METTL15: variants seen among roughly 807,000 people sequenced by gnomAD.
The protein encoded by METTL15 is methyltransferase 15, mitochondrial 12S rRNA N4-cytidine.
METTL15 carries 34 observed loss-of-function variants against 38.3 expected under a neutral mutation model. The observed-to-expected ratio is 0.89, with a 90% CI of 0.68 to 1.18. METTL15 has a LOEUF of 1.18. METTL15 is among the 50% of genes most tolerant of loss of function. METTL15 has a pLI of 0.00. For synonymous variants in METTL15, 162 were observed against 170.9 expected (o/e 0.95, Z 0.41); for missense variants, 438 against 498.4 (o/e 0.88, Z 1.15).
At chr11:28,505,363 A>G (rs534886553) in intron 6 of METTL15, among the ~76,000 whole-genome samples, 1 of 152,314 alleles carries the variant, frequency 6.6e-6, no homozygotes, top group South Asian at 2.1e-4. Flanking sequence ...AAGCATTCCA[A>G]GCAGGACGAT....
intron 3 of METTL15, among the ~76,000 whole-genome samples, chr11:28,168,875 C>T (rs908301060): frequency 6.6e-5 from 10 of 151,994 alleles, no homozygotes; most frequent in African/African-American, 2.4e-4. Context: ...AAACAGAGGG[C>T]AATTCAGGGA....
chr11:28,320,350 G>T (rs954087980), intron 6 of METTL15, among the ~76,000 whole-genome samples: 1 of 151,930 alleles, frequency 6.6e-6, no homozygotes, highest in Non-Finnish European at 1.5e-5. Context: ...CTTGAGTTCA[G>T]GAGTTCAAGA....
At chr11:28,492,537 CACACACACAT>C (rs1307817410) in intron 6 of METTL15, among the ~76,000 whole-genome samples, 2 of 151,760 alleles carry the variant, frequency 1.3e-5, no homozygotes, top group South Asian at 2.1e-4. Flanking sequence ...CACACACACA[CACACACACAT>C]ACACACACAC....
Position 28,218,565 on chromosome 11 carries a change from G to C in METTL15, c.407+7367G>C, listed in dbSNP as rs534653270. On this transcript the variant is annotated intron_variant, in intron 4 of 6. Coordinates refer to ENST00000407364, the MANE Select transcript of METTL15 (RefSeq NM_001113528.2). The stretch of plus-strand genomic sequence containing the variant: ...TACCCTTTATTTCCTTCTCCTGCCT[G>C]ATTGCCCTGGCCAGAACTTCCAACA... Among the ~76,000 whole-genome samples, 799 of 152,194 alleles carry C rather than the reference G, an allele frequency of 5.2e-3. 6 individuals carry two copies. The highest frequency in any genetic ancestry group is 0.019 in the South Asian group (94 of 4,828).
chr11:28,430,072 G>T (rs1326096327), intron 6 of METTL15, among the ~76,000 whole-genome samples: 1 of 147,762 alleles, frequency 6.8e-6, no homozygotes, highest in Non-Finnish European at 1.5e-5. Flanking sequence ...GGTGAGGAGC[G>T]TCTCTGCCCG....
At chr11:28,235,415 AT>A (rs1853909360) in intron 4 of METTL15, among the ~76,000 whole-genome samples, 2 of 151,640 alleles carry the variant, frequency 1.3e-5, no homozygotes, top group African/African-American at 4.9e-5. Flanking sequence ...CATTTTCACG[AT>A]ATTGATTCTT....
At chr11:28,437,306 A>C (rs993576970) in intron 6 of METTL15, among the ~76,000 whole-genome samples, 2 of 152,166 alleles carry the variant, frequency 1.3e-5, no homozygotes, top group East Asian at 3.8e-4. Context: ...ATATCCTATT[A>C]GTTCTTTCCC....
chr11:28,512,847 C>T (rs1239171507), intron 6 of METTL15, among the ~76,000 whole-genome samples: 1 of 152,216 alleles, frequency 6.6e-6, no homozygotes, highest in East Asian at 1.9e-4. Flanking sequence ...AGAGGAGGCA[C>T]TGAGAACGAG....
At position 28,331,809 on chromosome 11, in the gene METTL15, G is replaced by A. The variant is rs1288522258; in HGVS notation, c.*968G>A. 1 of 152,168 alleles carries A rather than the reference G, an allele frequency of 6.6e-6. No individual in the cohort carries two copies. Among genetic ancestry groups the A allele is most frequent in the Non-Finnish European group, 1.5e-5 (1 of 68,026 alleles). The allele number at this position is 152,168 out of a possible 1,614,324, so 9.4% of individuals were successfully genotyped here. ...ACATGTCAATTTTTTATAGTAATAT[G>A]TACTTCTAATTTATTATTTATACTT... On this transcript the variant is annotated 3_prime_UTR_variant, in exon 7 of 7. Transcript: ENST00000407364.
intron 4 of METTL15, among the ~76,000 whole-genome samples, chr11:28,231,295 A>G (rs1853675835): frequency 6.6e-6 from 1 of 151,916 alleles, no homozygotes; most frequent in Admixed American, 6.6e-5. Context: ...TAACTATGTT[A>G]TTTAAATAAA....
At chr11:28,524,998 C>T (rs554040626) in intron 6 of METTL15, among the ~76,000 whole-genome samples, 11 of 152,008 alleles carry the variant, frequency 7.2e-5, no homozygotes, top group Admixed American at 6.5e-4. Flanking sequence ...TGCAGACCTT[C>T]GCGGTGAGTG....
downstream of METTL15, among the ~76,000 whole-genome samples, chr11:28,338,284 A>G (rs927140354): frequency 6.6e-6 from 1 of 151,968 alleles, no homozygotes; most frequent in African/African-American, 2.4e-5. Flanking sequence ...TTCTTAAAGA[A>G]TCTACACTGC....
At chr11:28,210,010 T>G (rs1319605436) in intron 3 of METTL15, among the ~76,000 whole-genome samples, 30 of 152,010 alleles carry the variant, frequency 2.0e-4, no homozygotes, top group Admixed American at 2.0e-3. Context: ...AGCATAACTT[T>G]GAGGGAATAT....
intron 3 of METTL15, 31 bp from the exon 4 acceptor site, chr11:28,211,031 A>T (rs1565169585): frequency 6.3e-7 from 1 of 1,589,774 alleles, no homozygotes; most frequent in Non-Finnish European, 8.5e-7. Flanking sequence ...GTTTATGCTA[A>T]GTTGTAATTT....
At chr11:28,144,288 G>A (rs898776555) in intron 3 of METTL15, among the ~76,000 whole-genome samples, 2 of 152,074 alleles carry the variant, frequency 1.3e-5, no homozygotes, top group African/African-American at 2.4e-5. Context: ...TGTACTCCAG[G>A]TTCTTATATC....
rs372755006 is a variant in METTL15, at chr11:28,382,395, G to A, written c.*358+20359G>A. On this transcript the variant is annotated intron_variant and NMD_transcript_variant, in intron 5 of 7. Transcript: ENST00000532947. Reference sequence around the variant, plus strand: ...TGATGTTTCCTGTAGGTGAGGCGAGGCAGGTATCCCATGAAAAAACCCAAA... The same window carrying A: ...TGATGTTTCCTGTAGGTGAGGCGAGACAGGTATCCCATGAAAAAACCCAAA... 9.2e-5 allele frequency among the ~76,000 whole-genome samples: 14 copies of A among 152,140 alleles called. No individual in the cohort carries two copies. In the East Asian group the frequency reaches 1.3e-3, roughly 15 times the overall value.
At chr11:28,196,060 GT>G (rs1851896852) in intron 3 of METTL15, among the ~76,000 whole-genome samples, 1 of 151,950 alleles carries the variant, frequency 6.6e-6, no homozygotes, top group African/African-American at 2.4e-5. Context: ...AGTGGTCTGT[GT>G]TTCTACTTTT....
intron 6 of METTL15, among the ~76,000 whole-genome samples, chr11:28,429,080 G>A (rs1415598844): frequency 1.3e-5 from 2 of 152,056 alleles, no homozygotes; most frequent in Non-Finnish European, 2.9e-5. Flanking sequence ...AAGCTCTGCT[G>A]GCCCATCTGG....
intron 4 of METTL15, among the ~76,000 whole-genome samples, chr11:28,224,465 A>T (rs1435406907): frequency 6.6e-6 from 1 of 151,960 alleles, no homozygotes; most frequent in Non-Finnish European, 1.5e-5. Context: ...GAAAAAATTA[A>T]AATAATTCAT....
Sources: gnomAD v4.1 joint callset for allele counts (sites outside exome capture counted in the v4.1 genomes callset) on GRCh38, gnomAD v4.1.1 for gene constraint, MANE v1.5 for transcripts, NCBI Gene and HGNC (gene_info 2026-07-23, HGNC 2026-07-21) for gene names.